Variants in TRPC3 observed in about 807,000 individuals in gnomAD.
TRPC3 encodes transient receptor potential cation channel subfamily C member 3, also known as short transient receptor potential channel 3.
Under a neutral mutation model 90.9 loss-of-function variants are expected in TRPC3, and 54 were observed. The observed-to-expected ratio is 0.59, with a 90% CI of 0.48 to 0.75. The LOEUF is 0.75. Among genes scored for constraint, TRPC3 ranks in the 30% least tolerant of loss-of-function variants. The probability of loss-of-function intolerance (pLI) is 0.00; values close to 1 mark genes in which losing one functional copy is unlikely to be tolerated. For missense variants in TRPC3, 918 were observed against 1,194.5 expected (o/e 0.77, Z 3.41); for synonymous variants, 424 against 450.9 (o/e 0.94, Z 0.75).
At chr4:121,909,437 C>G (rs1241310506) in intron 6 of TRPC3, among the ~76,000 whole-genome samples, 21 of 152,110 alleles carry the variant, frequency 1.4e-4, no homozygotes, top group Admixed American at 4.6e-4. Context: ...GATTTTACAA[C>G]TATATCCAAA....
chr4:121,949,937 G>A (rs978019248), intron 1 of TRPC3, among the ~76,000 whole-genome samples: 2 of 152,084 alleles, frequency 1.3e-5, no homozygotes, highest in Admixed American at 6.5e-5. Context: ...CATGTAGTCA[G>A]GATTTAAGGT....
chr4:121,951,803 C>G lies in TRPC3; in HGVS notation c.-123G>C, dbSNP rs1284202015. The G allele has an allele frequency of 1.3e-6, 1 of 776,230 alleles. No individual in the cohort carries two copies. Among genetic ancestry groups the G allele is most frequent in the Non-Finnish European group, 1.8e-6 (1 of 557,710 alleles). 48.1% of individuals were successfully genotyped at this position (776,230 alleles called of 1,614,324 possible). A position where few individuals can be genotyped will look rare whatever the true frequency, so the allele number is the denominator to read the frequency against. On this transcript the variant is annotated 5_prime_UTR_variant, in exon 1 of 12. Coordinates refer to ENST00000379645, the MANE Select transcript of TRPC3 (RefSeq NM_001130698.2). This position sits in a 1 kb window ranked among gnomAD's most constrained non-coding sequence, Gnocchi z 4.4. ...GCGGCTTCCGGGGCCCCGGGCGGCC[C>G]AGGGCGGGAAGGCAGGAGCGGAGAG...
Position 121,910,141 on chromosome 4 carries a change from G to C in TRPC3, c.1792+13C>G. On this transcript the variant is annotated intron_variant, in intron 6 of 11. Transcript: ENST00000379645. ...TCCCAAAACACAAGGGGACCCTGAAGCTAACAACTTACCATAAGTGAAATA... is the reference window on the plus strand; with the variant it reads ...TCCCAAAACACAAGGGGACCCTGAACCTAACAACTTACCATAAGTGAAATA... 1 of 1,609,260 alleles carries C rather than the reference G, an allele frequency of 6.2e-7. No homozygotes were observed. Among genetic ancestry groups the C allele is most frequent in the Non-Finnish European group, 8.5e-7 (1 of 1,175,968 alleles).
At chr4:121,931,499 T>G (rs1729923075) in intron 2 of TRPC3, among the ~76,000 whole-genome samples, 1 of 152,128 alleles carries the variant, frequency 6.6e-6, no homozygotes, top group Non-Finnish European at 1.5e-5. Context: ...TATATAATTT[T>G]TATACAAATA....
intron 9 of TRPC3, among the ~76,000 whole-genome samples, chr4:121,900,830 A>C (rs1350942569): frequency 1.3e-5 from 2 of 152,200 alleles, no homozygotes; most frequent in African/African-American, 2.4e-5. Flanking sequence ...CAGATATGGG[A>C]AGAGTGGGAA....
chr4:121,884,455 A>G lies in TRPC3; in HGVS notation c.2548-2026T>C, dbSNP rs181697806. Among the ~76,000 whole-genome samples the G allele has an allele frequency of 2.0e-5, 3 of 152,188 alleles. No individual in the cohort carries two copies. The East Asian group carries it at 5.8e-4, about 29-fold the overall frequency. On this transcript the variant is annotated intron_variant, in intron 10 of 11. Coordinates refer to ENST00000379645, the MANE Select transcript of TRPC3 (RefSeq NM_001130698.2). ...TGAATGTAATTATGCTTCATAATTTATTTTGCATTACACATATTCTTAAGC... is the reference window on the plus strand; with the variant it reads ...TGAATGTAATTATGCTTCATAATTTGTTTTGCATTACACATATTCTTAAGC...
intron 10 of TRPC3, among the ~76,000 whole-genome samples, chr4:121,884,994 A>G (rs532731624): frequency 6.6e-6 from 1 of 152,336 alleles, no homozygotes; most frequent in East Asian, 1.9e-4. Flanking sequence ...ATAAAATGAA[A>G]ATACAAAATT....
Position 121,941,778 on chromosome 4 carries a change from TTAA to T in TRPC3, c.216-8739_216-8737del, listed in dbSNP as rs531592709. On this transcript the variant is annotated intron_variant, in intron 1 of 11. Transcript: ENST00000379645. ...AAGGAGGAGACAGAATCTGACAGTCTTAATAATATCATCAAAAACACACATTTT... is the reference window on the plus strand; with the variant it reads ...AAGGAGGAGACAGAATCTGACAGTCTTAATATCATCAAAAACACACATTTT... Among the ~76,000 whole-genome samples, 24 of 152,346 alleles carry T rather than the reference TTAA, an allele frequency of 1.6e-4. No individual in the cohort carries two copies. The South Asian group carries it at 3.7e-3, about 24-fold the overall frequency.
intron 1 of TRPC3, among the ~76,000 whole-genome samples, chr4:121,947,796 AT>A (rs570828768): frequency 2.0e-5 from 3 of 152,048 alleles, no homozygotes; most frequent in East Asian, 1.9e-4. Context: ...ACTAAACAGG[AT>A]TTTTTTTCTA....
At chr4:121,936,187 T>C (rs1055683253) in intron 1 of TRPC3, among the ~76,000 whole-genome samples, 7 of 152,210 alleles carry the variant, frequency 4.6e-5, no homozygotes, top group African/African-American at 1.7e-4. Flanking sequence ...AGTACTAAGA[T>C]AAATTTCATT....
intron 10 of TRPC3, among the ~76,000 whole-genome samples, chr4:121,895,913 T>C (rs748697350): frequency 6.6e-5 from 10 of 152,044 alleles, no homozygotes; most frequent in Non-Finnish European, 1.0e-4. Context: ...CTGATGAACA[T>C]AGATGTAAAA....
chr4:121,926,474 T>C (rs543193319), intron 2 of TRPC3, among the ~76,000 whole-genome samples: 36 of 152,032 alleles, frequency 2.4e-4, no homozygotes, highest in Non-Finnish European at 4.6e-4. Flanking sequence ...TGGCACGATC[T>C]TGGCTCACTG....
At chr4:121,908,036 G>T (rs532944892) in intron 6 of TRPC3, among the ~76,000 whole-genome samples, 2 of 152,182 alleles carry the variant, frequency 1.3e-5, no homozygotes, top group Admixed American at 1.3e-4. Flanking sequence ...ATATTTCGAG[G>T]AGTGAGAATG....
intron 11 of TRPC3, among the ~76,000 whole-genome samples, chr4:121,880,916 A>G (rs1413933824): frequency 1.3e-5 from 2 of 151,972 alleles, no homozygotes; most frequent in Admixed American, 6.6e-5. Flanking sequence ...AAGAATTCTA[A>G]CTCAGGAATA....
At chr4:121,886,230 A>C (rs1231662428) in intron 10 of TRPC3, among the ~76,000 whole-genome samples, 11 of 152,076 alleles carry the variant, frequency 7.2e-5, no homozygotes, top group Admixed American at 2.0e-4. Flanking sequence ...ATTGTTAAGC[A>C]CTCTATCAGG....
In TRPC3 at chr4:121,907,521, G is replaced by T. The variant is rs780214352; in HGVS notation, c.1839C>A (p.Gly613=). The T allele has an allele frequency of 8.7e-6, 14 of 1,613,020 alleles. No homozygotes were observed. The Admixed American group carries it at 2.2e-4, about 25-fold the overall frequency. The part of the protein sequence containing the change: ...LPSDPQIISE[G]LYAIAVVLSF... Reference sequence around the variant, plus strand: ...TGAGCACAACAGCTATGGCATAAAGGCCTTCAGATATAATCTGAGGGTCAG... The same window carrying T: ...TGAGCACAACAGCTATGGCATAAAGTCCTTCAGATATAATCTGAGGGTCAG... Residue 613 remains glycine (G), a synonymous_variant, in exon 7 of 12, where the codon GGC becomes GGA. Coordinates refer to ENST00000379645, the MANE Select transcript of TRPC3 (RefSeq NM_001130698.2).
intron 1 of TRPC3, among the ~76,000 whole-genome samples, chr4:121,935,178 T>G (rs1042021206): frequency 3.0e-4 from 45 of 152,190 alleles, no homozygotes; most frequent in African/African-American, 1.0e-3. Flanking sequence ...GAACATAAAA[T>G]TAATGTTTTA....
intron 3 of TRPC3, 112 bp downstream of exon 3, chr4:121,924,906 C>G: frequency 8.4e-7 from 1 of 1,194,282 alleles, no homozygotes; most frequent in South Asian, 1.7e-5. Flanking sequence ...ATTATGTTGC[C>G]CAGCCTACTA....
At chr4:121,907,663 G>C in intron 6 of TRPC3, 96 bp from the exon 7 acceptor site, 1 of 1,353,204 alleles carries the variant, frequency 7.4e-7, no homozygotes, top group South Asian at 1.5e-5. Flanking sequence ...CTTGTAGGTA[G>C]GTGGTTACCA....
Sources: gnomAD v4.1 joint callset for allele counts (sites outside exome capture counted in the v4.1 genomes callset) on GRCh38, gnomAD v4.1.1 for gene constraint, Gnocchi (gnomAD v3.1) non-coding constraint, MANE v1.5 for transcripts, NCBI Gene and HGNC (gene_info 2026-07-23, HGNC 2026-07-21) for gene names.